TNFRSF25: variants seen among roughly 807,000 people sequenced by gnomAD.
TNFRSF25 encodes the protein TNF receptor superfamily member 25.
Under a neutral mutation model 49.4 loss-of-function variants are expected in TNFRSF25, and 28 were observed. The ratio of observed to expected loss-of-function variants is 0.57; its 90% CI spans 0.42 to 0.78. The LOEUF is 0.78. TNFRSF25 is among the 30% of genes least tolerant of loss of function. The probability of loss-of-function intolerance (pLI) is 0.00; values close to 1 mark genes in which losing one functional copy is unlikely to be tolerated. For missense variants in TNFRSF25, 531 were observed against 581.6 expected (o/e 0.91, Z 0.90); for synonymous variants, 240 against 234.2 (o/e 1.02, Z -0.23).
At position 6,463,455 on chromosome 1, in the gene TNFRSF25, G is replaced by A. The variant is rs71582887; in HGVS notation, c.543-328C>T. 5.9e-4 allele frequency: 197 copies of A among 332,888 alleles called. 1 individual carries two copies. In the East Asian group the frequency reaches 8.7e-3, roughly 15 times the overall value. 20.6% of individuals were successfully genotyped at this position (332,888 alleles called of 1,614,324 possible). A position where few individuals can be genotyped will look rare whatever the true frequency, so the allele number is the denominator to read the frequency against. On this transcript the variant is annotated intron_variant, in intron 5 of 9. Transcript: ENST00000356876. Reference sequence around the variant, plus strand: ...AAAGACTTGAATGGAGGCCGGGCGCGGTGGCTCATGCCTGTAATCCCAGCA... The same window carrying A: ...AAAGACTTGAATGGAGGCCGGGCGCAGTGGCTCATGCCTGTAATCCCAGCA...
rs1569785087 is a variant in TNFRSF25 at position 6,462,753 on chromosome 1, A to C, written c.707-87T>G. ...TACAGCTCCTCTAGGGTTCCTCTGC[A>C]CCCCACACTCCCTGCCTCAGTTTCC... On this transcript the variant is annotated intron_variant, in intron 7 of 9. Transcript: ENST00000356876. The surrounding 1 kb of genome is among the most constrained non-coding windows in gnomAD (Gnocchi z 4.2). 1 of 1,582,290 alleles carries C rather than the reference A, an allele frequency of 6.3e-7. No homozygotes were observed. Among genetic ancestry groups the C allele is most frequent in the East Asian group, 2.3e-5 (1 of 44,028 alleles).
intron 1 of TNFRSF25, 121 bp from the exon 2 acceptor site, chr1:6,465,681 C>CG (rs1644336787): frequency 6.8e-7 from 1 of 1,469,656 alleles, no homozygotes; most frequent in Non-Finnish European, 9.0e-7. Flanking sequence ...TCCCAGGCCC[C>CG]GGGCAGAAGG....
Position 6,465,093 on chromosome 1 carries a change from T to C in TNFRSF25, c.290A>G (p.Glu97Gly). The part of the protein sequence containing the change: ...SECARCQACD[E>G]QASQVALENC... ...AGCACTGAGAAGCCCCTCACCCTGC[T>C]CATCACAGGCCTGGCAGCGGGCACA... Residue 97 changes from glutamate (E) to glycine (G), a missense_variant, in exon 3 of 10, where the codon GAG becomes GGG. Transcript: ENST00000356876. The C allele has an allele frequency of 1.2e-6, 2 of 1,612,918 alleles. No homozygotes were observed. The highest frequency in any genetic ancestry group is 1.7e-6 in the Non-Finnish European group (2 of 1,179,394).
At chr1:6,464,346 C>T in intron 5 of TNFRSF25, 29 bp downstream of exon 5, 1 of 1,588,054 alleles carries the variant, frequency 6.3e-7, no homozygotes, top group Non-Finnish European at 8.6e-7. Flanking sequence ...AGCCGCCCTT[C>T]CCTCCATCCC....
chr1:6,463,021 C>T (rs1644225722), intron 6 of TNFRSF25, 51 bp from the exon 7 acceptor site: 1 of 1,553,986 alleles, frequency 6.4e-7, no homozygotes, highest in East Asian at 2.4e-5. Context: ...TCACCCGCCT[C>T]CCCTCGGTCC....
chr1:6,465,810 C>A (rs1644344118), intron 1 of TNFRSF25: 2 of 1,423,292 alleles, frequency 1.4e-6, no homozygotes, highest in Middle Eastern at 2.6e-4. Flanking sequence ...AATCCAGCAG[C>A]GCCCCCACCC....
In TNFRSF25 at chr1:6,461,618, C is replaced by A; in HGVS notation, c.1070G>T (p.Arg357Leu). 1 of 1,609,366 alleles carries A rather than the reference C, an allele frequency of 6.2e-7. No individual in the cohort carries two copies. The highest frequency in any genetic ancestry group is 8.5e-7 in the Non-Finnish European group (1 of 1,179,318). ...CTCCACGGCTTCGATCTCTGCCTCG[C>A]GCAGCCCCAGCGTGCGCACGAACTC... Reference protein sequence around the residue: ...WKEFVRTLGLREAEIEAVEVE... With the variant: ...WKEFVRTLGLLEAEIEAVEVE... Residue 357 changes from arginine (R) to leucine (L), a missense_variant, in exon 10 of 10, where the codon CGC becomes CTC. Coordinates refer to ENST00000356876, the MANE Select transcript of TNFRSF25 (RefSeq NM_003790.3). The surrounding 1 kb of genome is among the most constrained non-coding windows in gnomAD (Gnocchi z 6.3).
Position 6,461,243 on chromosome 1 carries a change from C to G in TNFRSF25, c.*191G>C. On this transcript the variant is annotated 3_prime_UTR_variant, in exon 10 of 10. Coordinates refer to ENST00000356876, the MANE Select transcript of TNFRSF25 (RefSeq NM_003790.3). This position sits in a 1 kb window ranked among gnomAD's most constrained non-coding sequence, Gnocchi z 6.3. ...GTTGAGAAATGTCTTCACCCCCTCT[C>G]GACATTCGTTCGTGCTTCTTCGCCT... 1 of 766,970 alleles carries G rather than the reference C, an allele frequency of 1.3e-6. No individual in the cohort carries two copies. Among genetic ancestry groups the G allele is most frequent in the South Asian group, 1.5e-5 (1 of 67,730 alleles). The allele number at this position is 766,970 out of a possible 1,614,324, so 47.5% of individuals were successfully genotyped here. A position where few individuals can be genotyped will look rare whatever the true frequency, so the allele number is the denominator to read the frequency against.
intron 5 of TNFRSF25, 182 bp from the exon 6 acceptor site, chr1:6,463,309 T>C: frequency 1.6e-6 from 1 of 635,800 alleles, no homozygotes; most frequent in South Asian, 2.0e-5. Context: ...CTGAGCTTCT[T>C]CTAGACTACA....
rs1465227029 is a variant in TNFRSF25, at chr1:6,461,270, G to A, written c.*164C>T. On this transcript the variant is annotated 3_prime_UTR_variant, in exon 10 of 10. Transcript: ENST00000356876. This position sits in a 1 kb window ranked among gnomAD's most constrained non-coding sequence, Gnocchi z 6.3. The stretch of plus-strand genomic sequence containing the variant: ...ACATTCGTTCGTGCTTCTTCGCCTT[G>A]GCTGGAGCGATAGGGGCGAGCAGGG... 44 of 892,148 alleles carry A rather than the reference G, an allele frequency of 4.9e-5. No homozygotes were observed. The South Asian group carries it at 5.7e-4, about 12-fold the overall frequency. The allele number at this position is 892,148 out of a possible 1,614,324, so 55.3% of individuals were successfully genotyped here. A position where few individuals can be genotyped will look rare whatever the true frequency, so the allele number is the denominator to read the frequency against.
Position 6,462,684 on chromosome 1 carries a change from AT to A in TNFRSF25, c.707-19del. ...TTCATCTGCTGACAGACACAGAGAG[AT>A]TGCGGTCAGCCACCAGGCAAGCCTC... On this transcript the variant is annotated intron_variant, in intron 7 of 9. Coordinates refer to ENST00000356876, the MANE Select transcript of TNFRSF25 (RefSeq NM_003790.3). The surrounding 1 kb of genome is among the most constrained non-coding windows in gnomAD (Gnocchi z 4.2). 1.2e-6 allele frequency: 2 copies of A among 1,612,850 alleles called. No individual in the cohort carries two copies.
At chr1:6,465,387 C>T (rs112866177) in intron 2 of TNFRSF25, 53 bp downstream of exon 2, 1 of 1,610,638 alleles carries the variant, frequency 6.2e-7, no homozygotes, top group East Asian at 2.2e-5. Flanking sequence ...GCCTGCCCGC[C>T]ACCTCTCCAG....
rs1644327080 is a variant in TNFRSF25 at position 6,465,539 on chromosome 1, C to T, written c.61G>A (p.Gly21Arg). Reference protein sequence around the residue: ...VAAALLLVLLGARAQGGTRSP... With the variant: ...VAAALLLVLLRARAQGGTRSP... The stretch of plus-strand genomic sequence containing the variant: ...CGAGTGCCGCCCTGGGCCCGGGCCC[C>T]CAGCAGCACCAGGAGGAGCGCCTGG... Residue 21 changes from glycine (G) to arginine (R), a missense_variant, in exon 2 of 10, where the codon GGG becomes AGG. Gly to Arg is a moderately radical substitution (Grantham distance 125, BLOSUM62 -2). Coordinates refer to ENST00000356876, the MANE Select transcript of TNFRSF25 (RefSeq NM_003790.3). 1.9e-6 allele frequency: 3 copies of T among 1,613,192 alleles called. No homozygotes were observed. The highest frequency in any genetic ancestry group is 2.7e-5 in the African/African-American group (2 of 74,918).
In TNFRSF25 at chr1:6,462,823, C is replaced by T; in HGVS notation, c.706+40G>A. On this transcript the variant is annotated intron_variant, in intron 7 of 9. Transcript: ENST00000356876. This position sits in a 1 kb window ranked among gnomAD's most constrained non-coding sequence, Gnocchi z 4.2. ...GTAGACTCTGGGCTACCCATCCTGA[C>T]CCCAGGCTTCTGGGTGCGTGTGTGG... 1.3e-6 allele frequency: 2 copies of T among 1,579,028 alleles called. No homozygotes were observed. Among genetic ancestry groups the T allele is most frequent in the Non-Finnish European group, 1.7e-6 (2 of 1,160,546 alleles).
At chr1:6,463,260 T>C in intron 5 of TNFRSF25, 133 bp from the exon 6 acceptor site, 2 of 823,850 alleles carry the variant, frequency 2.4e-6, no homozygotes, top group Non-Finnish European at 3.8e-6. Context: ...AGAATGTTCC[T>C]GTCATTGTGT....
Position 6,461,613 on chromosome 1 carries a change from C to A in TNFRSF25, c.1075G>T (p.Ala359Ser). ...TCCACCTCCACGGCTTCGATCTCTG[C>A]CTCGCGCAGCCCCAGCGTGCGCACG... ...EFVRTLGLRE[A>S]EIEAVEVEIG... The change falls in exon 10 of 10, where the codon GCA (alanine) becomes TCA (serine). Residue 359 changes from alanine (A) to serine (S), a missense_variant. Transcript: ENST00000356876. This position sits in a 1 kb window ranked among gnomAD's most constrained non-coding sequence, Gnocchi z 6.3. 2 of 1,609,548 alleles carry A rather than the reference C, an allele frequency of 1.2e-6. No individual in the cohort carries two copies. The highest frequency in any genetic ancestry group is 1.7e-6 in the Non-Finnish European group (2 of 1,179,316).
Position 6,464,719 on chromosome 1 carries a change from G to C in TNFRSF25, c.296C>G (p.Ala99Gly). 6.2e-7 allele frequency: 1 copy of C among 1,612,236 alleles called. No individual in the cohort carries two copies. Among genetic ancestry groups the C allele is most frequent in the Non-Finnish European group, 8.5e-7 (1 of 1,178,824 alleles). ...CARCQACDEQASQVALENCSA... is the reference protein window; with the variant it reads ...CARCQACDEQGSQVALENCSA... ...ACAGTTCTCCAGCGCCACCTGGGAGGCTGGTGGGGGTGCAGGGAGATGGGG... is the reference window on the plus strand; with the variant it reads ...ACAGTTCTCCAGCGCCACCTGGGAGCCTGGTGGGGGTGCAGGGAGATGGGG... The change falls in exon 4 of 10, where the codon GCC becomes GGC. Residue 99 changes from alanine (A) to glycine (G), a missense_variant and splice_region_variant. By Grantham distance (60) the Ala-to-Gly change is moderately conservative (BLOSUM62 0). Coordinates refer to ENST00000356876, the MANE Select transcript of TNFRSF25 (RefSeq NM_003790.3).
chr1:6,464,968 A>G (rs1644300534), intron 3 of TNFRSF25, 120 bp downstream of exon 3: 1 of 1,442,548 alleles, frequency 6.9e-7, no homozygotes, highest in Non-Finnish European at 9.4e-7. Flanking sequence ...ATCAGGGTGG[A>G]GGGTTCTGGC....
Position 6,466,167 on chromosome 1 carries a change from CG to C in TNFRSF25, c.-61del. 1 of 1,364,554 alleles carries C rather than the reference CG, an allele frequency of 7.3e-7. No individual in the cohort carries two copies. 84.5% of individuals were successfully genotyped at this position (1,364,554 alleles called of 1,614,324 possible). On this transcript the variant is annotated 5_prime_UTR_variant, in exon 1 of 10. Coordinates refer to ENST00000356876, the MANE Select transcript of TNFRSF25 (RefSeq NM_003790.3). ...CCGTGCTCTCTGCCCGTCGTGGTTCCGCCTTCAGCCCCGCGCCCGCAGGGCC... is the reference window on the plus strand; with the variant it reads ...CCGTGCTCTCTGCCCGTCGTGGTTCCCCTTCAGCCCCGCGCCCGCAGGGCC...
Sources: allele counts gnomAD v4.1 joint callset, GRCh38; gene constraint gnomAD v4.1.1; non-coding constraint Gnocchi (gnomAD v3.1); transcripts MANE v1.5; gene names NCBI Gene and HGNC (gene_info 2026-07-23, HGNC 2026-07-21).